The following ERCC4 variants were observed in gnomAD, a reference collection of about 807,000 sequenced individuals.
ERCC4 encodes DNA repair endonuclease XPF.
In ERCC4, 65 loss-of-function variants were observed where a neutral mutation model predicts 76.9. The observed-to-expected ratio is 0.84, with a 90% CI of 0.69 to 1.04. The LOEUF (loss-of-function observed/expected upper bound fraction) is 1.04. Ranked by LOEUF, ERCC4 falls within the 50% of genes least tolerant of loss-of-function variation. ERCC4 has a pLI of 0.00. For missense variants in ERCC4, 1,214 were observed against 1,128.2 expected (o/e 1.08, Z -1.09); for synonymous variants, 463 against 410.1 (o/e 1.13, Z -1.56).
rs542396169 is a variant in ERCC4, at chr16:13,923,868, A to T, written c.388+1657A>T. 6.6e-5 allele frequency among the ~76,000 whole-genome samples: 10 copies of T among 152,226 alleles called. No homozygotes were observed. In the South Asian group the frequency reaches 8.3e-4, roughly 13 times the overall value. ...TTATTTTTTAAATTGATTTAAAAAA[A>T]TTTTTTTGTTGTGTTTAAAACTACC... is the stretch of plus-strand genomic sequence containing the variant. On this transcript the variant is annotated intron_variant, in intron 2 of 10. Coordinates refer to ENST00000311895, the MANE Select transcript of ERCC4 (RefSeq NM_005236.3).
intron 2 of ERCC4, among the ~76,000 whole-genome samples, chr16:13,923,109 G>A (rs372797345): frequency 3.9e-5 from 6 of 152,146 alleles, no homozygotes; most frequent in African/African-American, 1.4e-4. Flanking sequence ...AAATAGAAAA[G>A]AAATTCATTT....
At chr16:13,939,766 G>A (rs1338066639) in intron 9 of ERCC4, among the ~76,000 whole-genome samples, 1 of 152,164 alleles carries the variant, frequency 6.6e-6, no homozygotes, top group Non-Finnish European at 1.5e-5. Context: ...GGAGAAGGTG[G>A]TAGCCAAGAT....
rs2141607508 is a variant in ERCC4, at chr16:13,935,450, G to A, written c.1518G>A (p.Glu506=). The change falls in exon 8 of 11, where the codon GAG becomes GAA. Residue 506 remains glutamate (E), a synonymous_variant. Transcript: ENST00000311895. The part of the protein sequence containing the change: ...QMVGKPEELE[E]EGDVEEGYRR... ...TAGGAAAACCTGAAGAACTGGAAGA[G>A]GAAGGAGATGTCGAGGAAGGATATC... is the stretch of plus-strand genomic sequence containing the variant. 6.2e-7 allele frequency: 1 copy of A among 1,614,152 alleles called. No individual in the cohort carries two copies. Among genetic ancestry groups the A allele is most frequent in the Non-Finnish European group, 8.5e-7 (1 of 1,180,030 alleles).
At position 13,949,296 on chromosome 16, in the gene ERCC4, T is replaced by A. The variant is rs2032586022; in HGVS notation, c.*949T>A. On this transcript the variant is annotated 3_prime_UTR_variant, in exon 11 of 11. Coordinates refer to ENST00000311895, the MANE Select transcript of ERCC4 (RefSeq NM_005236.3). ...ACTTCCTCGTTTCTCAGCTCTTATATCCTAAGACACCAGCATCATATCCTC... is the reference window on the plus strand; with the variant it reads ...ACTTCCTCGTTTCTCAGCTCTTATAACCTAAGACACCAGCATCATATCCTC... The A allele has an allele frequency of 4.3e-6, 1 of 233,850 alleles. No homozygotes were observed. The highest frequency in any genetic ancestry group is 6.0e-5 in the East Asian group (1 of 16,690). 14.5% of individuals were successfully genotyped at this position (233,850 alleles called of 1,614,324 possible). A position where few individuals can be genotyped will look rare whatever the true frequency, so the allele number is the denominator to read the frequency against.
chr16:13,935,634 A>G lies in ERCC4; in HGVS notation c.1702A>G (p.Arg568Gly). Residue 568 changes from arginine to glycine, a missense_variant, in exon 8 of 11, where the codon AGG (arginine) becomes GGG (glycine). Coordinates refer to ENST00000311895, the MANE Select transcript of ERCC4 (RefSeq NM_005236.3). The stretch of plus-strand genomic sequence containing the variant: ...TTGCAGCGACCCCTATGCTCTGACA[A>G]GGGTACTACATGAAGTGGAGCCAAG... ...LGCSDPYALTRVLHEVEPRYV... is the reference protein window; with the variant it reads ...LGCSDPYALTGVLHEVEPRYV... The G allele has an allele frequency of 2.5e-6, 4 of 1,614,060 alleles. No individual in the cohort carries two copies. The highest frequency in any genetic ancestry group is 2.5e-6 in the Non-Finnish European group (3 of 1,179,964).
chr16:13,941,036 T>C (rs1410813146), intron 9 of ERCC4, among the ~76,000 whole-genome samples: 1 of 152,228 alleles, frequency 6.6e-6, no homozygotes, highest in Non-Finnish European at 1.5e-5. Flanking sequence ...AAGAGCACTT[T>C]TAGTAGATAG....
rs2032606401 is a variant in ERCC4, at chr16:13,950,279, T to A, written c.*1932T>A. On this transcript the variant is annotated 3_prime_UTR_variant, in exon 11 of 11. Coordinates refer to ENST00000311895, the MANE Select transcript of ERCC4 (RefSeq NM_005236.3). ...CCCACCCAACAAAATTATTTTTAACTGTCGTTTCTGAACTGAACCTCTCAC... is the reference window on the plus strand; with the variant it reads ...CCCACCCAACAAAATTATTTTTAACAGTCGTTTCTGAACTGAACCTCTCAC... The A allele has an allele frequency of 5.3e-6, 1 of 190,280 alleles. No individual in the cohort carries two copies. The highest frequency in any genetic ancestry group is 1.1e-5 in the Non-Finnish European group (1 of 90,734). 11.8% of individuals were successfully genotyped at this position (190,280 alleles called of 1,614,324 possible).
chr16:13,932,452 T>C (rs1288471012), intron 6 of ERCC4, 167 bp downstream of exon 6: 2 of 658,862 alleles, frequency 3.0e-6, no homozygotes, highest in Non-Finnish European at 5.2e-6. Context: ...TGAAAGTATA[T>C]ATGTAAAGTA....
chr16:13,935,494 G>C lies in ERCC4; in HGVS notation c.1562G>C (p.Ser521Thr), dbSNP rs1311337403. Residue 521 changes from serine to threonine, a missense_variant, in exon 8 of 11, where the codon AGC becomes ACC. Coordinates refer to ENST00000311895, the MANE Select transcript of ERCC4 (RefSeq NM_005236.3). ...GGATATCGTCGAGAAATAAGCAGTA[G>C]CCCAGAAAGCTGCCCGGAAGAAATT... is the stretch of plus-strand genomic sequence containing the variant. ...EEGYRREISS[S>T]PESCPEEIKH... The C allele has an allele frequency of 1.2e-6, 2 of 1,614,046 alleles. No homozygotes were observed. The highest frequency in any genetic ancestry group is 1.7e-6 in the Non-Finnish European group (2 of 1,180,030).
intron 8 of ERCC4, among the ~76,000 whole-genome samples, chr16:13,937,102 T>TTTTTTTTTC (rs2032315624): frequency 6.9e-6 from 1 of 145,712 alleles, no homozygotes; most frequent in Non-Finnish European, 1.5e-5. Flanking sequence ...TTTTTTTTTT[T>TTTTTTTTTC]GTAGAGATGG....
chr16:13,926,818 A>G, intron 3 of ERCC4, 62 bp downstream of exon 3: 1 of 1,301,504 alleles, frequency 7.7e-7, no homozygotes, highest in South Asian at 1.2e-5. Context: ...TGTGAGATCT[A>G]CTGTAACTTA....
chr16:13,944,621 G>T lies in ERCC4; in HGVS notation c.1905-102G>T, dbSNP rs988197887. On this transcript the variant is annotated intron_variant, in intron 9 of 10. Transcript: ENST00000311895. Reference sequence around the variant, plus strand: ...TTTTTGTTTTTGTTTTTCTCTTACTGCTATCATCATGTAGATCATTTTCAA... The same window carrying T: ...TTTTTGTTTTTGTTTTTCTCTTACTTCTATCATCATGTAGATCATTTTCAA... 3.8e-6 allele frequency: 3 copies of T among 782,320 alleles called. No homozygotes were observed. The African/African-American group carries it at 5.1e-5, about 13-fold the overall frequency. The allele number at this position is 782,320 out of a possible 1,614,324, so 48.5% of individuals were successfully genotyped here. A position where few individuals can be genotyped will look rare whatever the true frequency, so the allele number is the denominator to read the frequency against.
chr16:13,929,960 C>G (rs1363894950), intron 4 of ERCC4, among the ~76,000 whole-genome samples: 2 of 152,062 alleles, frequency 1.3e-5, no homozygotes, highest in African/African-American at 4.8e-5. Context: ...GAGACTCCAT[C>G]TCAAAATAAT....
At position 13,935,456 on chromosome 16, in the gene ERCC4, A is replaced by C; in HGVS notation, c.1524A>C (p.Gly508=). The C allele has an allele frequency of 1.9e-6, 3 of 1,614,218 alleles. No individual in the cohort carries two copies. Among genetic ancestry groups the C allele is most frequent in the Non-Finnish European group, 1.7e-6 (2 of 1,180,038 alleles). ...VGKPEELEEE[G]DVEEGYRREI... ...AACCTGAAGAACTGGAAGAGGAAGG[A>C]GATGTCGAGGAAGGATATCGTCGAG... The change falls in exon 8 of 11, where the codon GGA becomes GGC. Residue 508 remains glycine, a synonymous_variant. Coordinates refer to ENST00000311895, the MANE Select transcript of ERCC4 (RefSeq NM_005236.3).
intron 7 of ERCC4, chr16:13,934,865 A>T: frequency 2.9e-6 from 1 of 341,462 alleles, no homozygotes; most frequent in Non-Finnish European, 5.4e-6. Context: ...AAAAAATATT[A>T]ATTAAAAAGA....
rs2141937343 is a variant in ERCC4 at position 13,920,323 on chromosome 16, G to A, written c.158G>A (p.Cys53Tyr). ...CTCTACCACTTTCTCCAGCTGCACT[G>A]CCACCCAGCCTGCCTGGTGCTGGTG... ...RLLYHFLQLH[C>Y]HPACLVLVLN... The change falls in exon 1 of 11, where the codon TGC becomes TAC. Residue 53 changes from cysteine to tyrosine, a missense_variant. Cys to Tyr is a radical substitution (Grantham distance 194, BLOSUM62 -2). Coordinates refer to ENST00000311895, the MANE Select transcript of ERCC4 (RefSeq NM_005236.3). 6.2e-6 allele frequency: 10 copies of A among 1,600,326 alleles called. No individual in the cohort carries two copies. The highest frequency in any genetic ancestry group is 7.6e-6 in the Non-Finnish European group (9 of 1,179,092).
At chr16:13,934,836 A>G (rs961020414) in intron 7 of ERCC4, 4 of 298,272 alleles carry the variant, frequency 1.3e-5, no homozygotes, top group African/African-American at 8.4e-5. Flanking sequence ...TAATTTAGGC[A>G]TATATGAGAT....
In ERCC4 at chr16:13,934,198, A is replaced by G. The variant is rs561066051; in HGVS notation, c.1109A>G (p.Lys370Arg). 2 of 1,606,032 alleles carry G rather than the reference A, an allele frequency of 1.2e-6. No homozygotes were observed. Among genetic ancestry groups the G allele is most frequent in the South Asian group, 1.1e-5 (1 of 90,730 alleles). ...KMEIKEGEETKKELVLESNPK... is the reference protein window; with the variant it reads ...KMEIKEGEETRKELVLESNPK... ...TATTTTTATTTCTCTACAGAAACAA[A>G]AAAGGAACTGGTCCTAGAAAGCAAC... is the stretch of plus-strand genomic sequence containing the variant. The change falls in exon 7 of 11, where the codon AAA (lysine) becomes AGA (arginine). Residue 370 changes from lysine (K) to arginine (R), a missense_variant. Physicochemically the swap from Lys to Arg is conservative, Grantham distance 26 (BLOSUM62 2). Coordinates refer to ENST00000311895, the MANE Select transcript of ERCC4 (RefSeq NM_005236.3).
rs972977637 is a variant in ERCC4 at position 13,935,211 on chromosome 16, G to A, written c.1279G>A (p.Gly427Arg). 6.2e-7 allele frequency: 1 copy of A among 1,613,964 alleles called. No homozygotes were observed. Among genetic ancestry groups the A allele is most frequent in the Non-Finnish European group, 8.5e-7 (1 of 1,180,012 alleles). The stretch of plus-strand genomic sequence containing the variant: ...CCAGCTGAGAGACTATATCACTCTT[G>A]GAGCGGAGGCCTTCTTATTGAGGCT... ...CSQLRDYITL[G>R]AEAFLLRLYR... is the part of the protein sequence containing the mutation. Residue 427 changes from glycine (G) to arginine (R), a missense_variant, in exon 8 of 11, where the codon GGA becomes AGA. Physicochemically the swap from Gly to Arg is moderately radical, Grantham distance 125 (BLOSUM62 -2). Coordinates refer to ENST00000311895, the MANE Select transcript of ERCC4 (RefSeq NM_005236.3).
Sources: gnomAD v4.1 joint callset for allele counts (sites outside exome capture counted in the v4.1 genomes callset) on GRCh38, gnomAD v4.1.1 for gene constraint, MANE v1.5 for transcripts, NCBI Gene and HGNC (gene_info 2026-07-23, HGNC 2026-07-21) for gene names.